TRPM3: variants seen among roughly 807,000 people sequenced by gnomAD.
TRPM3 encodes long transient receptor potential channel 3.
Under a neutral mutation model 181.2 loss-of-function variants are expected in TRPM3, and 77 were observed. The ratio of observed to expected loss-of-function variants is 0.42; its 90% CI spans 0.35 to 0.51. TRPM3 has a LOEUF of 0.51. Ranked by LOEUF, TRPM3 falls within the 20% of genes least tolerant of loss-of-function variation. The probability of loss-of-function intolerance (pLI) is 0.01; values close to 1 mark genes in which losing one functional copy is unlikely to be tolerated. For synonymous variants in TRPM3, 745 were observed against 796.4 expected (o/e 0.94, Z 1.09); for missense variants, 1,759 against 2,196.7 (o/e 0.80, Z 3.98).
At chr9:70,613,241 T>C (rs2062250006) in intron 18 of TRPM3, among the ~76,000 whole-genome samples, 1 of 152,230 alleles carries the variant, frequency 6.6e-6, no homozygotes, top group Non-Finnish European at 1.5e-5. Context: ...TTGACATTCC[T>C]TAAAGCAGAA....
At chr9:71,292,559 T>G (rs971545895) in intron 1 of TRPM3, among the ~76,000 whole-genome samples, 27 of 152,042 alleles carry the variant, frequency 1.8e-4, no homozygotes, top group African/African-American at 6.0e-4. Context: ...AAAAGTGACT[T>G]AAGTCAGTAT....
chr9:71,211,361 GT>G (rs11400047), intron 1 of TRPM3, among the ~76,000 whole-genome samples: 2,004 of 146,536 alleles, frequency 0.014, 41 homozygotes, highest in African/African-American at 0.046. Flanking sequence ...ATATGATTGT[GT>G]TTTTTTTTTT....
chr9:71,239,050 C>A (rs971361303), intron 1 of TRPM3, among the ~76,000 whole-genome samples: 1 of 152,052 alleles, frequency 6.6e-6, no homozygotes, highest in African/African-American at 2.4e-5. Flanking sequence ...ATCACCTTCC[C>A]TACCTCCTTC....
chr9:70,757,551 C>T (rs547462553), intron 8 of TRPM3, among the ~76,000 whole-genome samples: 1 of 152,266 alleles, frequency 6.6e-6, no homozygotes, highest in South Asian at 2.1e-4. Flanking sequence ...AAATTTCAGG[C>T]CAATATCCCT....
At chr9:71,100,546 T>C (rs2068166075) in intron 1 of TRPM3, among the ~76,000 whole-genome samples, 1 of 152,134 alleles carries the variant, frequency 6.6e-6, no homozygotes, top group East Asian at 1.9e-4. Context: ...CTGGGAGGTA[T>C]ATACAAAGTA....
chr9:71,015,519 G>A (rs2097777424), intron 1 of TRPM3, among the ~76,000 whole-genome samples: 2 of 152,134 alleles, frequency 1.3e-5, no homozygotes, highest in Admixed American at 1.3e-4. Context: ...AGTCTACATT[G>A]ATCTAAGAAT....
At chr9:70,783,917 C>T (rs2130846020) in intron 7 of TRPM3, 188 bp downstream of exon 7, 2 of 1,326,374 alleles carry the variant, frequency 1.5e-6, no homozygotes, top group Middle Eastern at 2.9e-4. Context: ...TCCCACTTCA[C>T]AGGACATTTA....
chr9:70,886,460 C>A (rs1033257918), intron 1 of TRPM3, among the ~76,000 whole-genome samples: 2 of 152,038 alleles, frequency 1.3e-5, no homozygotes, highest in African/African-American at 4.8e-5. Context: ...TTATATTGTA[C>A]AACAAATGCA....
In TRPM3 at chr9:70,532,730, C is replaced by T. The variant is rs1433057072; in HGVS notation, c.*3223G>A. On this transcript the variant is annotated 3_prime_UTR_variant, in exon 26 of 26. Transcript: ENST00000677713. Reference sequence around the variant, plus strand: ...GGCACCTTTGAAGCAGATGATTAAACCGAAGCTATTACTTCCTTGAGCTCT... The same window carrying T: ...GGCACCTTTGAAGCAGATGATTAAATCGAAGCTATTACTTCCTTGAGCTCT... 1 of 152,102 alleles carries T rather than the reference C, an allele frequency of 6.6e-6. No homozygotes were observed. The highest frequency in any genetic ancestry group is 1.5e-5 in the Non-Finnish European group (1 of 68,020). 9.4% of individuals were successfully genotyped at this position (152,102 alleles called of 1,614,324 possible).
intron 1 of TRPM3, among the ~76,000 whole-genome samples, chr9:71,071,867 T>C (rs1282568269): frequency 6.6e-6 from 1 of 152,190 alleles, no homozygotes; most frequent in African/African-American, 2.4e-5. Context: ...GTGGTTCACA[T>C]AGAGGGAATC....
At chr9:71,018,494 T>C (rs2097805594) in intron 1 of TRPM3, among the ~76,000 whole-genome samples, 3 of 151,792 alleles carry the variant, frequency 2.0e-5, no homozygotes. Context: ...GTCATCGTCA[T>C]ATAGCCAGCA....
At chr9:71,279,578 G>A (rs1407899789) in intron 1 of TRPM3, among the ~76,000 whole-genome samples, 2 of 152,100 alleles carry the variant, frequency 1.3e-5, no homozygotes, top group African/African-American at 4.8e-5. Context: ...TAACATGGAG[G>A]GCTGTTAGGG....
At chr9:70,564,073 G>A (rs1476522107) in intron 22 of TRPM3, among the ~76,000 whole-genome samples, 1 of 152,140 alleles carries the variant, frequency 6.6e-6, no homozygotes, top group African/African-American at 2.4e-5. Flanking sequence ...GAGAAGGGAG[G>A]GGCTGTGAGA....
intron 19 of TRPM3, among the ~76,000 whole-genome samples, chr9:70,605,604 G>C (rs949458613): frequency 2.0e-5 from 3 of 152,188 alleles, no homozygotes; most frequent in Admixed American, 6.5e-5. Flanking sequence ...AATGGAACTT[G>C]GTTCATATGG....
At chr9:70,623,131 G>A (rs2063878549) in intron 14 of TRPM3, among the ~76,000 whole-genome samples, 2 of 152,134 alleles carry the variant, frequency 1.3e-5, no homozygotes, top group Admixed American at 6.5e-5. Context: ...GGAGGCCAAG[G>A]TGGCAGGTGG....
At chr9:71,145,621 A>G (rs1002324101) in intron 1 of TRPM3, among the ~76,000 whole-genome samples, 1 of 152,166 alleles carries the variant, frequency 6.6e-6, no homozygotes, top group Non-Finnish European at 1.5e-5. Flanking sequence ...TTCTCATGTA[A>G]AATCCATTTT....
Position 71,343,127 on chromosome 9 carries a change from A to G in TRPM3, c.183+103526T>C, listed in dbSNP as rs985680060. ...GGGAGGGGGGTAAAAGAGTGAAAGG[A>G]TTAGGGAATGGACCCATACTTCCTT... On this transcript the variant is annotated intron_variant, in intron 1 of 24. Coordinates refer to the TRPM3 transcript ENST00000357533. Among the ~76,000 whole-genome samples the G allele has an allele frequency of 4.6e-5, 7 of 152,132 alleles. No individual in the cohort carries two copies. The South Asian group carries it at 1.5e-3, about 32-fold the overall frequency.
At chr9:71,206,236 T>C (rs1244645148) in intron 1 of TRPM3, among the ~76,000 whole-genome samples, 1 of 152,212 alleles carries the variant, frequency 6.6e-6, no homozygotes, top group Non-Finnish European at 1.5e-5. Flanking sequence ...TTCCTATTTC[T>C]CCACATCCTC....
intron 1 of TRPM3, among the ~76,000 whole-genome samples, chr9:71,221,766 G>C (rs980320563): frequency 6.6e-6 from 1 of 152,114 alleles, no homozygotes; most frequent in African/African-American, 2.4e-5. Flanking sequence ...ATCTGGCAAT[G>C]GCTAATTCCA....
Sources: gnomAD v4.1 joint callset for allele counts (sites outside exome capture counted in the v4.1 genomes callset) on GRCh38, gnomAD v4.1.1 for gene constraint, MANE v1.5 for transcripts, NCBI Gene and HGNC (gene_info 2026-07-23, HGNC 2026-07-21) for gene names.